The following LRRN4 variants were observed in gnomAD, a reference collection of about 807,000 sequenced individuals.
LRRN4 encodes the protein leucine rich repeat neuronal 4.
Under a neutral mutation model 22.3 loss-of-function variants are expected in LRRN4, and 26 were observed. That is an observed-to-expected ratio of 1.16 (90% CI 0.85 to 1.62). The LOEUF (loss-of-function observed/expected upper bound fraction) is 1.62, where lower values mean the gene tolerates loss of function less well. Ranked by LOEUF, LRRN4 falls within the 40% of genes most tolerant of loss-of-function variation. The probability of loss-of-function intolerance (pLI) is 0.00; values close to 1 mark genes in which losing one functional copy is unlikely to be tolerated. For synonymous variants in LRRN4, 496 were observed against 486.2 expected, an observed-to-expected ratio of 1.02 and a Z score of -0.26; for missense variants, 1,070 against 1,008.5, an observed-to-expected ratio of 1.06 and a Z score of -0.83.
chr20:6,051,758 T>G (rs1231315364), intron 2 of LRRN4, among the ~76,000 whole-genome samples: 1 of 152,182 alleles, frequency 6.6e-6, no homozygotes, highest in African/African-American at 2.4e-5. Flanking sequence ...AAGCATGCAC[T>G]CACTTCCCCA....
In LRRN4 at chr20:6,041,669, C is replaced by A. The variant is rs780106741; in HGVS notation, c.1576G>T (p.Asp526Tyr). ...CTCCCTTCCTCCTCCTCACTGTAGT[C>A]GTCCAGCAGCAAGACTGGAATCTCG... ...EGEIPVLLLDDYSEEEEGRKE... is the reference protein window; with the variant it reads ...EGEIPVLLLDYYSEEEEGRKE... Residue 526 changes from aspartate (D) to tyrosine (Y), a missense_variant, in exon 5 of 5, where the codon GAC (aspartate) becomes TAC (tyrosine). Physicochemically the swap from Asp to Tyr is radical, Grantham distance 160 (BLOSUM62 -3). Coordinates refer to ENST00000378858, the MANE Select transcript of LRRN4 (RefSeq NM_152611.5). This position sits in a 1 kb window ranked among gnomAD's most constrained non-coding sequence, Gnocchi z 9.4. 2.5e-6 allele frequency: 4 copies of A among 1,611,758 alleles called. No individual in the cohort carries two copies. The South Asian group carries it at 4.4e-5, about 18-fold the overall frequency.
In LRRN4 at chr20:6,050,931, C is replaced by T. The variant is rs145845840; in HGVS notation, c.708G>A (p.Arg236=). The T allele has an allele frequency of 6.2e-6, 10 of 1,614,156 alleles. No individual in the cohort carries two copies. The East Asian group carries it at 2.2e-4, about 36-fold the overall frequency. The change falls in exon 3 of 5, where the codon AGG becomes AGA. Residue 236 remains arginine, a synonymous_variant. Transcript: ENST00000378858. ...DLPKLTSLYL[R]KMPRLTTLEG... ...CCAGGGTCGTCAGCCGAGGCATCTT[C>T]CTCAGGTAGAGGGATGTGAGCTTCG...
intron 1 of LRRN4, 78 bp downstream of exon 1, chr20:6,053,752 G>C (rs1981322469): frequency 6.6e-6 from 1 of 152,352 alleles, no homozygotes; most frequent in Non-Finnish European, 1.5e-5. Context: ...CCTATTACTA[G>C]CTGGGGATGA....
intron 3 of LRRN4, among the ~76,000 whole-genome samples, chr20:6,048,226 T>A (rs377107896): frequency 0.099 from 14,992 of 152,062 alleles, 887 homozygotes; most frequent in Middle Eastern, 0.21. Flanking sequence ...TTCTCCTGGT[T>A]TTTCTGCTAC....
chr20:6,050,340 G>A (rs1175361747), intron 3 of LRRN4, among the ~76,000 whole-genome samples: 1 of 152,176 alleles, frequency 6.6e-6, no homozygotes, highest in East Asian at 1.9e-4. Context: ...GACTAACAGG[G>A]CCTGCCCATA....
intron 3 of LRRN4, among the ~76,000 whole-genome samples, chr20:6,048,112 T>G (rs76184416): frequency 0.012 from 1,881 of 152,194 alleles, 13 homozygotes; most frequent in South Asian, 0.032. Context: ...TTTTGCCAAA[T>G]CCCGTGGTCA....
At position 6,040,585 on chromosome 20, in the gene LRRN4, G is replaced by A. The variant is rs2123048020; in HGVS notation, c.*437C>T. On this transcript the variant is annotated 3_prime_UTR_variant, in exon 5 of 5. Transcript: ENST00000378858. ...TTTCTTGAATAACAGAGCTCGTTGT[G>A]TCTTAGAGCTTGACCATGAAGGAGC... 6.6e-6 allele frequency among the ~76,000 whole-genome samples: 1 copy of A among 152,318 alleles called. No homozygotes were observed. The highest frequency in any genetic ancestry group is 2.1e-4 in the South Asian group (1 of 4,826).
At position 6,042,106 on chromosome 20, in the gene LRRN4, C is replaced by T. The variant is rs542002484; in HGVS notation, c.1139G>A (p.Arg380His). 3.7e-6 allele frequency: 6 copies of T among 1,614,106 alleles called. No individual in the cohort carries two copies. In the South Asian group the frequency reaches 5.5e-5, roughly 15 times the overall value. ...LGASHPPCFN[R>H]STYAQGTTVA... ...GGTGGTACCCTGTGCGTAGGTGGAG[C>T]GGTTGAAGCAAGGTGGGTGTGAAGC... The change falls in exon 5 of 5, where the codon CGC becomes CAC. Residue 380 changes from arginine to histidine, a missense_variant. Transcript: ENST00000378858.
chr20:6,043,177 T>C (rs1981013782), intron 4 of LRRN4, among the ~76,000 whole-genome samples: 1 of 151,850 alleles, frequency 6.6e-6, no homozygotes, highest in African/African-American at 2.4e-5. Flanking sequence ...GGGAGGCCCA[T>C]GTAGGAGGAT....
Position 6,041,735 on chromosome 20 carries a change from G to A in LRRN4, c.1510C>T (p.His504Tyr), listed in dbSNP as rs762899959. The A allele has an allele frequency of 3.1e-6, 5 of 1,613,798 alleles. No individual in the cohort carries two copies. The Admixed American group carries it at 5.0e-5, about 16-fold the overall frequency. Residue 504 changes from histidine (H) to tyrosine (Y), a missense_variant, in exon 5 of 5, where the codon CAC (histidine) becomes TAC (tyrosine). His to Tyr is a moderately conservative substitution (Grantham distance 83, BLOSUM62 2). Coordinates refer to ENST00000378858, the MANE Select transcript of LRRN4 (RefSeq NM_152611.5). This position sits in a 1 kb window ranked among gnomAD's most constrained non-coding sequence, Gnocchi z 9.4. Reference sequence around the variant, plus strand: ...GGGTTGGGGGCTTGGGGTGTGGCGTGTGTCCTCTGGCCGGGCTGAGGCGAG... The same window carrying A: ...GGGTTGGGGGCTTGGGGTGTGGCGTATGTCCTCTGGCCGGGCTGAGGCGAG... The part of the protein sequence containing the change: ...ISSPQPGQRT[H>Y]ATPQAPNPSL...
intron 2 of LRRN4, among the ~76,000 whole-genome samples, chr20:6,051,771 C>T (rs886761577): frequency 6.6e-6 from 1 of 152,230 alleles, no homozygotes; most frequent in Non-Finnish European, 1.5e-5. Flanking sequence ...CTTCCCCATT[C>T]CACAAGCACT....
rs1166770338 is a variant in LRRN4 at position 6,042,078 on chromosome 20, G to A, written c.1167C>T (p.Val389=). The A allele has an allele frequency of 1.2e-6, 2 of 1,614,086 alleles. No individual in the cohort carries two copies. The highest frequency in any genetic ancestry group is 1.3e-5 in the African/African-American group (1 of 75,054). ...NRSTYAQGTT[V]APSAAPATRP... The stretch of plus-strand genomic sequence containing the variant: ...GGGTGGCGGGGGCTGCGCTGGGCGC[G>A]ACGGTGGTACCCTGTGCGTAGGTGG... Residue 389 remains valine, a synonymous_variant, in exon 5 of 5, where the codon GTC becomes GTT. Coordinates refer to ENST00000378858, the MANE Select transcript of LRRN4 (RefSeq NM_152611.5).
chr20:6,040,959 G>A lies in LRRN4; in HGVS notation c.*63C>T, dbSNP rs1600401485. The A allele has an allele frequency of 3.2e-6, 5 of 1,570,662 alleles. No individual in the cohort carries two copies. The South Asian group carries it at 4.6e-5, about 14-fold the overall frequency. On this transcript the variant is annotated 3_prime_UTR_variant, in exon 5 of 5. Transcript: ENST00000378858. ...GGAGCGGATGGGGTCGTTTTTGACC[G>A]TCTGTGTCTTCCTTTTTGCGCTCAG...
At position 6,040,995 on chromosome 20, in the gene LRRN4, A is replaced by T; in HGVS notation, c.*27T>A. ...CCTTTTTGCGCTCAGATCCAGTTCG[A>T]TGAGACGCGTTATCCCAGAAGCTGG... On this transcript the variant is annotated 3_prime_UTR_variant, in exon 5 of 5. Coordinates refer to ENST00000378858, the MANE Select transcript of LRRN4 (RefSeq NM_152611.5). The T allele has an allele frequency of 6.2e-7, 1 of 1,611,844 alleles. No individual in the cohort carries two copies. The highest frequency in any genetic ancestry group is 8.5e-7 in the Non-Finnish European group (1 of 1,178,968).
At position 6,040,973 on chromosome 20, in the gene LRRN4, T is replaced by C; in HGVS notation, c.*49A>G. The C allele has an allele frequency of 6.2e-7, 1 of 1,605,382 alleles. No individual in the cohort carries two copies. The highest frequency in any genetic ancestry group is 8.5e-7 in the Non-Finnish European group (1 of 1,176,362). On this transcript the variant is annotated 3_prime_UTR_variant, in exon 5 of 5. Transcript: ENST00000378858. Reference sequence around the variant, plus strand: ...CGTTTTTGACCGTCTGTGTCTTCCTTTTTGCGCTCAGATCCAGTTCGATGA... The same window carrying C: ...CGTTTTTGACCGTCTGTGTCTTCCTCTTTGCGCTCAGATCCAGTTCGATGA...
intron 3 of LRRN4, 104 bp downstream of exon 3, chr20:6,050,675 A>C: frequency 9.0e-7 from 1 of 1,105,948 alleles, no homozygotes; most frequent in Non-Finnish European, 1.4e-6. Context: ...GATTTGGAAG[A>C]GTAGTGGGAG....
intron 3 of LRRN4, among the ~76,000 whole-genome samples, chr20:6,045,234 T>C (rs1367135725): frequency 6.8e-6 from 1 of 147,842 alleles, no homozygotes; most frequent in Non-Finnish European, 1.5e-5. Context: ...AGGTTAGGAG[T>C]TCGAGACCAG....
At position 6,041,498 on chromosome 20, in the gene LRRN4, G is replaced by A. The variant is rs2123049622; in HGVS notation, c.1747C>T (p.Pro583Ser). 1.3e-6 allele frequency: 2 copies of A among 1,558,800 alleles called. No individual in the cohort carries two copies. Among genetic ancestry groups the A allele is most frequent in the East Asian group, 2.3e-5 (1 of 44,396 alleles). The change falls in exon 5 of 5, where the codon CCC becomes TCC. Residue 583 changes from proline (P) to serine (S), a missense_variant. Coordinates refer to ENST00000378858, the MANE Select transcript of LRRN4 (RefSeq NM_152611.5). The surrounding 1 kb of genome is among the most constrained non-coding windows in gnomAD (Gnocchi z 9.4). ...LSGEDTIPDP[P>S]RLQGVTETTD... ...GTCTCCGTCACCCCCTGCAGCCTGG[G>A]CGGGTCTGGGATGGTGTCTTCCCCG...
intron 3 of LRRN4, among the ~76,000 whole-genome samples, chr20:6,050,168 G>A (rs1308680305): frequency 1.3e-5 from 2 of 152,214 alleles, no homozygotes; most frequent in Non-Finnish European, 2.9e-5. Context: ...AAAGGAGTCT[G>A]AGCCAGAGAT....
Sources: gnomAD v4.1 joint callset for allele counts (sites outside exome capture counted in the v4.1 genomes callset) on GRCh38, gnomAD v4.1.1 for gene constraint, Gnocchi (gnomAD v3.1) non-coding constraint, MANE v1.5 for transcripts, NCBI Gene and HGNC (gene_info 2026-07-23, HGNC 2026-07-21) for gene names.